NIN: variants seen among roughly 807,000 people sequenced by gnomAD.
NIN encodes glycogen synthase kinase 3 beta-interacting protein.
A neutral mutation model predicts 257.6 loss-of-function variants in NIN; 137 were observed. The ratio of observed to expected loss-of-function variants is 0.53; its 90% CI spans 0.46 to 0.61. The LOEUF (loss-of-function observed/expected upper bound fraction) is 0.61. Among genes scored for constraint, NIN ranks in the 20% least tolerant of loss-of-function variants. The pLI is 0.00. For missense variants in NIN, 2,439 were observed against 2,501.2 expected (o/e 0.98, Z 0.53); for synonymous variants, 918 against 919.8 (o/e 1.00, Z 0.04).
chr14:50,788,126 G>A (rs1032874047), intron 5 of NIN, among the ~76,000 whole-genome samples: 4 of 152,058 alleles, frequency 2.6e-5, no homozygotes, highest in South Asian at 2.1e-4. Flanking sequence ...TAACATGTAC[G>A]AACTAAAGCA....
intron 3 of NIN, among the ~76,000 whole-genome samples, chr14:50,820,709 C>T (rs963419944): frequency 2.0e-5 from 3 of 152,246 alleles, no homozygotes; most frequent in East Asian, 1.9e-4. Flanking sequence ...ACCCTCCCCC[C>T]GCCACAAGAG....
At position 50,738,144 on chromosome 14, in the gene NIN, C is replaced by T. The variant is rs748727963; in HGVS notation, c.5771G>A (p.Arg1924Lys). Reference protein sequence around the residue: ...QFQKEQSPANRKVSQMNSLEQ... With the variant: ...QFQKEQSPANKKVSQMNSLEQ... ...CATATATTCTCAAAAACTCACCTTC[C>T]TGTTAGCAGGAGATTGTTCTTTCTG... The change falls in exon 27 of 31, where the codon AGG becomes AAG. Residue 1924 changes from arginine to lysine, a missense_variant. Physicochemically the swap from Arg to Lys is conservative, Grantham distance 26. Coordinates refer to ENST00000530997, the MANE Select transcript of NIN (RefSeq NM_020921.4). The T allele has an allele frequency of 1.2e-6, 2 of 1,613,944 alleles. No individual in the cohort carries two copies. Among genetic ancestry groups the T allele is most frequent in the Non-Finnish European group, 8.5e-7 (1 of 1,179,960 alleles).
chr14:50,811,055 T>C (rs2044573753), intron 3 of NIN, among the ~76,000 whole-genome samples: 1 of 151,700 alleles, frequency 6.6e-6, no homozygotes, highest in African/African-American at 2.4e-5. Flanking sequence ...TGTTGGGGCA[T>C]GTATCCATGC....
chr14:50,747,733 T>G (rs984959284), intron 22 of NIN, among the ~76,000 whole-genome samples: 25 of 123,402 alleles, frequency 2.0e-4, no homozygotes, highest in African/African-American at 8.6e-4. Context: ...AGAAGGAAAC[T>G]GTCTTAAAAA....
chr14:50,760,353 G>C lies in NIN; in HGVS notation c.1903C>G (p.His635Asp), dbSNP rs755438176. The C allele has an allele frequency of 1.2e-6, 2 of 1,601,982 alleles. No individual in the cohort carries two copies. Among genetic ancestry groups the C allele is most frequent in the South Asian group, 1.1e-5 (1 of 90,958 alleles). ...LRLELEDKVR[H>D]YEKQLDETVV... ...GTTTCGTCCAGCTGCTTTTCATAAT[G>C]GCGCACCTGAAGGCACAGAGTGACA... is the stretch of plus-strand genomic sequence containing the variant. The change falls in exon 17 of 31, where the codon CAT becomes GAT. Residue 635 changes from histidine to aspartate, a missense_variant. Physicochemically the swap from His to Asp is moderately conservative, Grantham distance 81. Around this residue, in one of 3 missense-constraint regions of NIN, gnomAD observed 2,043 missense variants for 2,050.2 expected, o/e 1.00. Coordinates refer to ENST00000530997, the MANE Select transcript of NIN (RefSeq NM_020921.4).
intron 3 of NIN, among the ~76,000 whole-genome samples, chr14:50,818,896 C>CAAAA (rs10618868): frequency 1.4e-5 from 2 of 145,938 alleles, no homozygotes; most frequent in Non-Finnish European, 1.5e-5. Context: ...CATTAGGCCT[C>CAAAA]AAAAAAAAAA....
At chr14:50,794,880 C>A (rs533548606) in intron 4 of NIN, among the ~76,000 whole-genome samples, 1 of 152,076 alleles carries the variant, frequency 6.6e-6, no homozygotes, top group Non-Finnish European at 1.5e-5. Context: ...TACTCACTAC[C>A]CCACGTAGTG....
intron 29 of NIN, among the ~76,000 whole-genome samples, chr14:50,726,700 A>G (rs1397857767): frequency 6.6e-6 from 1 of 152,204 alleles, no homozygotes; most frequent in African/African-American, 2.4e-5. Context: ...TCCTGTTCTC[A>G]CACAACGGTG....
At position 50,769,498 on chromosome 14, in the gene NIN, C is replaced by A. The variant is rs8003539; in HGVS notation, c.1434+890G>T. Among the ~76,000 whole-genome samples, 95 of 150,922 alleles carry A rather than the reference C, an allele frequency of 6.3e-4. No individual in the cohort carries two copies. In the South Asian group the frequency reaches 0.018, roughly 29 times the overall value. On this transcript the variant is annotated intron_variant, in intron 12 of 30. Transcript: ENST00000530997. ...CATCATAATGAGACCCCGTTTCTAC[C>A]ATTTTTTTTTTCTTTTAGATCCAGA...
chr14:50,748,500 G>C (rs1480068557), intron 21 of NIN, among the ~76,000 whole-genome samples: 1 of 152,172 alleles, frequency 6.6e-6, no homozygotes, highest in Non-Finnish European at 1.5e-5. Context: ...GGAAATAAAG[G>C]GTATTCAAAT....
At chr14:50,763,670 A>G (rs1384316068) in intron 15 of NIN, among the ~76,000 whole-genome samples, 156 bp downstream of exon 15, 1 of 152,170 alleles carries the variant, frequency 6.6e-6, no homozygotes, top group Non-Finnish European at 1.5e-5. Context: ...ATGAAAAACG[A>G]GACCACAAGT....
At chr14:50,784,009 A>G (rs1234051470) in intron 5 of NIN, among the ~76,000 whole-genome samples, 1 of 152,206 alleles carries the variant, frequency 6.6e-6, no homozygotes, top group Non-Finnish European at 1.5e-5. Flanking sequence ...AATTCATGAG[A>G]TAAGATTTAT....
chr14:50,727,430 ACT>A, intron 29 of NIN: 4 of 1,100,358 alleles, frequency 3.6e-6, no homozygotes, highest in Non-Finnish European at 4.5e-6. Context: ...TTAAATCCAC[ACT>A]CTTTAAAGGG....
At chr14:50,754,267 G>A (rs1219182593) in intron 20 of NIN, among the ~76,000 whole-genome samples, 1 of 152,140 alleles carries the variant, frequency 6.6e-6, no homozygotes, top group Non-Finnish European at 1.5e-5. Flanking sequence ...CTGCACAAGG[G>A]CTACAGCTAA....
chr14:50,757,543 C>A lies in NIN; in HGVS notation c.3487G>T (p.Val1163Phe), dbSNP rs139059875. 4.3e-6 allele frequency: 7 copies of A among 1,613,998 alleles called. No homozygotes were observed. The highest frequency in any genetic ancestry group is 3.3e-5 in the South Asian group (3 of 91,082). ...TCTATTTTGACTTCCTGTCTCTGAA[C>A]AGAGCTCGTCCCTGTACTTCCCAGG... ...RDLGSTGTSS[V>F]QRQEVKIEES... The change falls in exon 18 of 31, where the codon GTT (valine) becomes TTT (phenylalanine). Residue 1163 changes from valine (V) to phenylalanine (F), a missense_variant. Physicochemically the swap from Val to Phe is conservative, Grantham distance 50. Transcript: ENST00000530997.
intron 2 of NIN, among the ~76,000 whole-genome samples, chr14:50,824,485 G>C (rs547647393): frequency 5.9e-5 from 9 of 152,172 alleles, no homozygotes; most frequent in Non-Finnish European, 1.2e-4. Context: ...GAGATGTTAC[G>C]CATGGTGACA....
chr14:50,747,055 C>T (rs1428466989), intron 22 of NIN, among the ~76,000 whole-genome samples: 1 of 152,084 alleles, frequency 6.6e-6, no homozygotes, highest in Non-Finnish European at 1.5e-5. Context: ...TGGTTTTGTC[C>T]TGTTGCCCAG....
At chr14:50,775,078 C>T (rs1397253080) in intron 7 of NIN, among the ~76,000 whole-genome samples, 1 of 152,186 alleles carries the variant, frequency 6.6e-6, no homozygotes, top group Admixed American at 6.5e-5. Flanking sequence ...GGGTTTAAGA[C>T]ATCAGAAAGT....
In NIN at chr14:50,773,094, A is replaced by G. The variant is rs2042794821; in HGVS notation, c.668T>C (p.Met223Thr). The G allele has an allele frequency of 3.7e-6, 6 of 1,610,038 alleles. No individual in the cohort carries two copies. Among genetic ancestry groups the G allele is most frequent in the Non-Finnish European group, 4.2e-6 (5 of 1,177,980 alleles). ...QYGLQNVDGE[M>T]LEEVFHNLDP... The stretch of plus-strand genomic sequence containing the variant: ...AAGATTATGGAATACTTCCTCGAGC[A>G]TCTAGAAAAGAGTCATCACATATTT... The change falls in exon 8 of 31, where the codon ATG (methionine) becomes ACG (threonine). Residue 223 changes from methionine to threonine, a missense_variant and splice_region_variant. Physicochemically the swap from Met to Thr is moderately conservative, Grantham distance 81. Coordinates refer to ENST00000530997, the MANE Select transcript of NIN (RefSeq NM_020921.4).
Sources: gnomAD v4.1 joint callset for allele counts (sites outside exome capture counted in the v4.1 genomes callset) on GRCh38, gnomAD v4.1.1 for gene constraint, gnomAD v4.1.1 regional missense constraint, MANE v1.5 for transcripts, NCBI Gene and HGNC (gene_info 2026-07-23, HGNC 2026-07-21) for gene names.